ESX1: variants seen among roughly 807,000 people sequenced by gnomAD.
The protein encoded by ESX1 is ESX homeobox 1.
In ESX1, 2 loss-of-function variants were observed where a neutral mutation model predicts 13.2. The observed-to-expected ratio is 0.15, with a 90% CI of 0.06 to 0.48. ESX1 has a LOEUF of 0.48. ESX1 is among the 20% of genes least tolerant of loss of function. ESX1 has a pLI of 0.97. For missense variants in ESX1, 307 were observed against 379.0 expected (o/e 0.81, Z 1.58); for synonymous variants, 157 against 163.1 (o/e 0.96, Z 0.29).
In ESX1 at chrX:104,254,086, T is replaced by TA. The variant is rs1923255490; in HGVS notation, c.506+67dup. ...GCGGAGGCAGCGCCCGTGAGCCCCC[T>TA]ACGTGGCTTTTAGCTCCGGTGAAAG... On this transcript the variant is annotated intron_variant, in intron 2 of 3. Transcript: ENST00000372588. 3.5e-6 allele frequency: 4 copies of TA among 1,129,580 alleles called. No homozygotes were observed. In the Admixed American group the frequency reaches 8.6e-5, roughly 24 times the overall value. 93.1% of individuals were successfully genotyped at this position (1,129,580 alleles called of 1,213,427 possible).
chrX:104,250,933 A>G, intron 3 of ESX1, 37 bp from the exon 4 acceptor site: 2 of 1,109,778 alleles, frequency 1.8e-6, no homozygotes, highest in Non-Finnish European at 2.4e-6. Flanking sequence ...TAGTATTTTG[A>G]ACAGTTAACG....
chrX:104,254,385 G>C lies in ESX1; in HGVS notation c.275C>G (p.Thr92Ser), dbSNP rs1051511075. The change falls in exon 2 of 4, where the codon ACC becomes AGC. Residue 92 changes from threonine (T) to serine (S), a missense_variant. Thr to Ser is a moderately conservative substitution (Grantham distance 58, BLOSUM62 1). Coordinates refer to ENST00000372588, the MANE Select transcript of ESX1 (RefSeq NM_153448.4). The part of the protein sequence containing the change: ...PEQQQEEPPL[T>S]KPEQQQEEPP... Reference sequence around the variant, plus strand: ...CTCCTCCTGCTGTTGCTCCGGCTTGGTCAGGGGCGGCTCCTCCTGCTGTTG... The same window carrying C: ...CTCCTCCTGCTGTTGCTCCGGCTTGCTCAGGGGCGGCTCCTCCTGCTGTTG... The C allele has an allele frequency of 8.3e-7, 1 of 1,209,492 alleles. No individual in the cohort carries two copies. Among genetic ancestry groups the C allele is most frequent in the Non-Finnish European group, 1.1e-6 (1 of 895,037 alleles).
chrX:104,254,372 T>C lies in ESX1; in HGVS notation c.288A>G (p.Gln96=). ...QEEPPLTKPE[Q]QQEEPPLLEL... ...CGAGCAGGGGCGGCTCCTCCTGCTG[T>C]TGCTCCGGCTTGGTCAGGGGCGGCT... The change falls in exon 2 of 4, where the codon CAA becomes CAG. Residue 96 remains glutamine, a synonymous_variant. Coordinates refer to ENST00000372588, the MANE Select transcript of ESX1 (RefSeq NM_153448.4). The C allele has an allele frequency of 8.3e-7, 1 of 1,211,085 alleles. No individual in the cohort carries two copies. The highest frequency in any genetic ancestry group is 1.1e-6 in the Non-Finnish European group (1 of 895,286).
chrX:104,253,843 T>G (rs1188197644), intron 2 of ESX1, among the ~76,000 whole-genome samples: 1 of 112,787 alleles, frequency 8.9e-6, no homozygotes, highest in Admixed American at 9.3e-5. Flanking sequence ...GCGCGCACAA[T>G]GTAAATGGCG....
chrX:104,251,545 TCACA>T (rs1923184981), intron 3 of ESX1, among the ~76,000 whole-genome samples: 1 of 111,751 alleles, frequency 8.9e-6, no homozygotes, highest in Non-Finnish European at 1.9e-5. Context: ...ATCACTACAC[TCACA>T]CACACACCCT....
In ESX1 at chrX:104,250,429, T is replaced by G; in HGVS notation, c.1020A>C (p.Pro340=). Residue 340 remains proline, a synonymous_variant, in exon 4 of 4, where the codon CCA becomes CCC. Transcript: ENST00000372588. ...GCAGAGGCGCCATGGGCGGCCCGGG[T>G]GGCACACGCGCCATGGGCGGCCCGG... ...VPPGPPMARV[P]PGPPMAPLPP... is the part of the protein sequence containing the mutation. 1 of 942,119 alleles carries G rather than the reference T, an allele frequency of 1.1e-6. No homozygotes were observed. Among genetic ancestry groups the G allele is most frequent in the Admixed American group, 6.9e-5 (1 of 14,399 alleles). 77.6% of individuals were successfully genotyped at this position (942,119 alleles called of 1,213,427 possible).
rs1205672253 is a variant in ESX1 at position 104,253,142 on chromosome X, CAA to C, written c.507-316_507-315del. Among the ~76,000 whole-genome samples the C allele has an allele frequency of 7.5e-5, 6 of 80,356 alleles. No individual in the cohort carries two copies. In the East Asian group the frequency reaches 3.4e-3, roughly 46 times the overall value. 69.8% of individuals were successfully genotyped at this position (80,356 alleles called of 115,157 possible). Reference sequence around the variant, plus strand: ...CCAGCCTGGGCGACAGAGTGAGTCTCAAAAAAAAAACATATATATATATATAT... The same window carrying C: ...CCAGCCTGGGCGACAGAGTGAGTCTCAAAAAAAACATATATATATATATAT... On this transcript the variant is annotated intron_variant, in intron 2 of 3. Coordinates refer to ENST00000372588, the MANE Select transcript of ESX1 (RefSeq NM_153448.4).
rs1923125435 is a variant in ESX1, at chrX:104,250,323, G to GCA, written c.1124_1125dup (p.Pro376CysfsTer38). On this transcript the variant is annotated frameshift_variant, in exon 4 of 4. Transcript: ENST00000372588. LOFTEE classifies it low-confidence loss of function (END_TRUNC). ...GTGTGAGGCACATGTGACCTGGGTG[G>GCA]CAGAGGCGCCATGGGCGGCCCGGGT... 4.3e-6 allele frequency: 5 copies of GCA among 1,159,455 alleles called. No homozygotes were observed. The African/African-American group carries it at 9.4e-5, about 22-fold the overall frequency.
At chrX:104,252,524 C>A in intron 3 of ESX1, among the ~76,000 whole-genome samples, 1 of 112,126 alleles carries the variant, frequency 8.9e-6, no homozygotes, top group East Asian at 2.8e-4. Flanking sequence ...GAGAGAAAGA[C>A]AGATACAGAT....
At position 104,250,628 on chromosome X, in the gene ESX1, G is replaced by A. The variant is rs1162286055; in HGVS notation, c.821C>T (p.Ala274Val). 9 of 1,206,194 alleles carry A rather than the reference G, an allele frequency of 7.5e-6. No individual in the cohort carries two copies. The highest frequency in any genetic ancestry group is 4.4e-5 in the Admixed American group (2 of 45,695). Reference sequence around the variant, plus strand: ...CATGCGTGAGCCGGGTGGCACAGGCGCCATGGGTGGCATAGGTGCTATGGG... The same window carrying A: ...CATGCGTGAGCCGGGTGGCACAGGCACCATGGGTGGCATAGGTGCTATGGG... ...RPPIAPMPPM[A>V]PVPPGSRMAP... is the part of the protein sequence containing the mutation. Residue 274 changes from alanine (A) to valine (V), a missense_variant, in exon 4 of 4, where the codon GCG becomes GTG. Physicochemically the swap from Ala to Val is moderately conservative, Grantham distance 64. Coordinates refer to ENST00000372588, the MANE Select transcript of ESX1 (RefSeq NM_153448.4).
In ESX1 at chrX:104,254,141, G is replaced by A. The variant is rs781875521; in HGVS notation, c.506+13C>T. 7.7e-5 allele frequency: 91 copies of A among 1,187,567 alleles called. No homozygotes were observed. The highest frequency in any genetic ancestry group is 6.8e-5 in the Non-Finnish European group (60 of 882,202). The stretch of plus-strand genomic sequence containing the variant: ...CCGGGATGAACTGGGCGCCTCCGGG[G>A]CAAGCCACTTACCGCGCCACAACGT... On this transcript the variant is annotated intron_variant, in intron 2 of 3. Transcript: ENST00000372588.
In ESX1 at chrX:104,250,627, C is replaced by A. The variant is rs782627077; in HGVS notation, c.822G>T (p.Ala274=). 8.3e-7 allele frequency: 1 copy of A among 1,206,819 alleles called. No homozygotes were observed. Among genetic ancestry groups the A allele is most frequent in the Non-Finnish European group, 1.1e-6 (1 of 892,751 alleles). The change falls in exon 4 of 4, where the codon GCG becomes GCT. Residue 274 remains alanine (A), a synonymous_variant. Transcript: ENST00000372588. ...CCATGCGTGAGCCGGGTGGCACAGG[C>A]GCCATGGGTGGCATAGGTGCTATGG... ...RPPIAPMPPM[A]PVPPGSRMAP... is the part of the protein sequence containing the mutation.
intron 2 of ESX1, among the ~76,000 whole-genome samples, chrX:104,253,809 C>T (rs1462675293): frequency 1.8e-5 from 2 of 112,388 alleles, no homozygotes. Context: ...GTTACTAGGG[C>T]GAAAAGAGTG....
rs1172624843 is a variant in ESX1, at chrX:104,254,900, G to C, written c.-51C>G. On this transcript the variant is annotated 5_prime_UTR_variant, in exon 1 of 4. Coordinates refer to ENST00000372588, the MANE Select transcript of ESX1 (RefSeq NM_153448.4). ...TGCACTTCTGCAGACTCTGTGCGTGGTTCCGCGGCGATCCCGGGGTTGGAA... is the reference window on the plus strand; with the variant it reads ...TGCACTTCTGCAGACTCTGTGCGTGCTTCCGCGGCGATCCCGGGGTTGGAA... 28 of 1,050,128 alleles carry C rather than the reference G, an allele frequency of 2.7e-5. No homozygotes were observed. The highest frequency in any genetic ancestry group is 3.6e-5 in the Non-Finnish European group (27 of 754,666). The allele number at this position is 1,050,128 out of a possible 1,213,427, so 86.5% of individuals were successfully genotyped here.
In ESX1 at chrX:104,254,658, A is replaced by G. The variant is rs942665155; in HGVS notation, c.83-81T>C. On this transcript the variant is annotated intron_variant, in intron 1 of 3. Coordinates refer to ENST00000372588, the MANE Select transcript of ESX1 (RefSeq NM_153448.4). The stretch of plus-strand genomic sequence containing the variant: ...GGCTGGAGGAGGCAGGGGACCCGCT[A>G]TGGAAGAGCAACTGCGACAGCCGCG... 1.6e-5 allele frequency: 18 copies of G among 1,149,648 alleles called. No homozygotes were observed. The Admixed American group carries it at 3.8e-4, about 24-fold the overall frequency. The allele number at this position is 1,149,648 out of a possible 1,213,427, so 94.7% of individuals were successfully genotyped here.
At chrX:104,252,274 T>C (rs1047883743) in intron 3 of ESX1, among the ~76,000 whole-genome samples, 22 of 112,221 alleles carry the variant, frequency 2.0e-4, no homozygotes, top group Non-Finnish European at 7.5e-5. Flanking sequence ...TGAACCTTCT[T>C]ATAAAACTGA....
chrX:104,252,967 G>C (rs1273440172), intron 2 of ESX1, 139 bp from the exon 3 acceptor site: 1 of 499,087 alleles, frequency 2.0e-6, no homozygotes, highest in East Asian at 3.7e-5. Context: ...TGGCCAGCAT[G>C]GTGAAACCCT....
In ESX1 at chrX:104,252,799, G is replaced by C. The variant is rs143139589; in HGVS notation, c.536C>G (p.Thr179Ser). 5.5e-5 allele frequency: 67 copies of C among 1,208,959 alleles called. No homozygotes were observed. The highest frequency in any genetic ancestry group is 7.2e-5 in the Non-Finnish European group (64 of 894,381). ...TTTACTGACCTGCACTCTGTCTTCAGTCAAATTCAGGCGTGCTGCAAGTCT... is the reference window on the plus strand; with the variant it reads ...TTTACTGACCTGCACTCTGTCTTCACTCAAATTCAGGCGTGCTGCAAGTCT... ...RERLAARLNL[T>S]EDRVQVWFQN... The change falls in exon 3 of 4, where the codon ACT becomes AGT. Residue 179 changes from threonine to serine, a missense_variant. By Grantham distance (58) the Thr-to-Ser change is moderately conservative. Transcript: ENST00000372588.
At chrX:104,253,452 A>G (rs1556394913) in intron 2 of ESX1, among the ~76,000 whole-genome samples, 1 of 111,466 alleles carries the variant, frequency 9.0e-6, no homozygotes, top group East Asian at 2.8e-4. Context: ...AAAGCGCTGT[A>G]TTGAACCACA....
Sources: gnomAD v4.1 joint callset for allele counts (sites outside exome capture counted in the v4.1 genomes callset) on GRCh38, gnomAD v4.1.1 for gene constraint, MANE v1.5 for transcripts, NCBI Gene and HGNC (gene_info 2026-07-23, HGNC 2026-07-21) for gene names.